Variants in HECW2 observed in about 807,000 individuals in gnomAD.
HECW2 encodes the protein HECT, C2 and WW domain containing E3 ubiquitin protein ligase 2, also known as E3 ubiquitin-protein ligase HECW2.
HECW2 carries 61 observed loss-of-function variants against 175.2 expected under a neutral mutation model. The ratio of observed to expected loss-of-function variants is 0.35; its 90% confidence interval spans 0.28 to 0.43. The LOEUF is 0.43. Ranked by LOEUF, HECW2 falls within the 20% of genes least tolerant of loss-of-function variation. The pLI is 1.00. For synonymous variants in HECW2, 671 were observed against 731.0 expected (o/e 0.92, Z 1.32); for missense variants, 1,524 against 2,000.5 (o/e 0.76, Z 4.54).
intron 2 of HECW2, among the ~76,000 whole-genome samples, chr2:196,420,176 A>C (rs541293608): frequency 6.6e-6 from 1 of 152,358 alleles, no homozygotes; most frequent in East Asian, 1.9e-4. Context: ...CGTCACCACT[A>C]AATCTGAGTT....
In HECW2 at chr2:196,240,510, C is replaced by G. The variant is rs139510372; in HGVS notation, c.3703G>C (p.Gly1235Arg). The G allele has an allele frequency of 3.7e-6, 6 of 1,611,936 alleles. No individual in the cohort carries two copies. In the Admixed American group the frequency reaches 6.7e-5, roughly 18 times the overall value. Residue 1235 changes from glycine (G) to arginine (R), a missense_variant, in exon 21 of 29, where the codon GGC (glycine) becomes CGC (arginine). By Grantham distance (125) the Gly-to-Arg change is moderately radical (BLOSUM62 -2). Around this residue, in one of 11 missense-constraint regions of HECW2, gnomAD observed 291 missense variants for 412.2 expected, o/e 0.71. Coordinates refer to ENST00000644978, the MANE Select transcript of HECW2 (RefSeq NM_001348768.2). ...LLEDAFNQIMGYSRKDLQRNK... is the reference protein window; with the variant it reads ...LLEDAFNQIMRYSRKDLQRNK... ...CTCTGCAGGTCTTTTCTGGAGTAGC[C>G]CATAATCTGATTAAAAGCATCTTCT...
chr2:196,396,776 CT>C (rs1221762262), intron 2 of HECW2, among the ~76,000 whole-genome samples: 1 of 151,592 alleles, frequency 6.6e-6, no homozygotes, highest in East Asian at 1.9e-4. Context: ...AAACTATTGT[CT>C]TGCAAAAATA....
In HECW2 at chr2:196,518,151, TTC is replaced by T. The variant is rs1175819655; in HGVS notation, c.-36+75355_-36+75356del. 4.6e-5 allele frequency among the ~76,000 whole-genome samples: 7 copies of T among 152,194 alleles called. 1 individual carries two copies. The highest frequency in any genetic ancestry group is 3.3e-4 in the Admixed American group (5 of 15,274). ...AATTGTAGGGATTTTTCCTCCTTTC[TTC>T]TGTTTTTCAAGCTTTGTGATGATGT... is the stretch of plus-strand genomic sequence containing the variant. On this transcript the variant is annotated intron_variant, in intron 1 of 28. Transcript: ENST00000644978.
At chr2:196,253,882 T>G in intron 19 of HECW2, 38 bp downstream of exon 19, 1 of 1,593,448 alleles carries the variant, frequency 6.3e-7, no homozygotes, top group Non-Finnish European at 8.6e-7. Context: ...GAAGGTTCAC[T>G]CCTCAGAGAA....
rs1413806656 is a variant in HECW2 at position 196,201,314 on chromosome 2, G to A, written c.4682C>T (p.Thr1561Ile). 1 of 1,613,648 alleles carries A rather than the reference G, an allele frequency of 6.2e-7. No homozygotes were observed. Among genetic ancestry groups the A allele is most frequent in the Non-Finnish European group, 8.5e-7 (1 of 1,179,572 alleles). Reference protein sequence around the residue: ...SFSMLYEKLLTAVEETSTFGL... With the variant: ...SFSMLYEKLLIAVEETSTFGL... Reference sequence around the variant, plus strand: ...AAAAGTACTGGTTTCTTCAACTGCTGTCAACAGTTTTTCATAAAGCATGGA... The same window carrying A: ...AAAAGTACTGGTTTCTTCAACTGCTATCAACAGTTTTTCATAAAGCATGGA... Residue 1561 changes from threonine to isoleucine, a missense_variant, in exon 29 of 29, where the codon ACA becomes ATA. Coordinates refer to ENST00000644978, the MANE Select transcript of HECW2 (RefSeq NM_001348768.2).
At chr2:196,201,661 C>A (rs1460334167) in intron 28 of HECW2, among the ~76,000 whole-genome samples, 2 of 151,928 alleles carry the variant, frequency 1.3e-5, no homozygotes, top group Non-Finnish European at 2.9e-5. Context: ...ATATAAATGA[C>A]CATTTATTGA....
In HECW2 at chr2:196,532,417, G is replaced by T. The variant is rs189086721; in HGVS notation, c.-36+61091C>A. Among the ~76,000 whole-genome samples the T allele has an allele frequency of 6.6e-5, 10 of 152,170 alleles. No homozygotes were observed. The East Asian group carries it at 1.9e-3, about 29-fold the overall frequency. On this transcript the variant is annotated intron_variant, in intron 1 of 28. Transcript: ENST00000644978. Reference sequence around the variant, plus strand: ...ACCACATATTCTCACTCATAAGTGGGAGTTGAACAAGGAGAACATACGGAC... The same window carrying T: ...ACCACATATTCTCACTCATAAGTGGTAGTTGAACAAGGAGAACATACGGAC...
rs202120290 is a variant in HECW2 at position 196,364,507 on chromosome 2, T to TA, written c.293-20744dup. Among the ~76,000 whole-genome samples the TA allele has an allele frequency of 6.6e-3, 1,001 of 152,366 alleles. 8 individuals carry two copies. Among genetic ancestry groups the TA allele is most frequent in the Middle Eastern group, 0.02 (6 of 294 alleles). ...TTGAGAAGGTATATCCAGAGTATCATAATTCACATATGCTTTCCCTTCTCC... is the reference window on the plus strand; with the variant it reads ...TTGAGAAGGTATATCCAGAGTATCATAAATTCACATATGCTTTCCCTTCTCC... On this transcript the variant is annotated intron_variant, in intron 2 of 28. Coordinates refer to ENST00000644978, the MANE Select transcript of HECW2 (RefSeq NM_001348768.2).
In HECW2 at chr2:196,380,860, C is replaced by T. The variant is rs183184052; in HGVS notation, c.293-37096G>A. Among the ~76,000 whole-genome samples, 229 of 152,312 alleles carry T rather than the reference C, an allele frequency of 1.5e-3. 1 individual carries two copies. Among genetic ancestry groups the T allele is most frequent in the African/African-American group, 5.1e-3 (210 of 41,570 alleles). ...TGTTACACAGCCAAAGCCTACTGTG[C>T]TGAGTTCAACCTGTTTCTTGAATAA... On this transcript the variant is annotated intron_variant, in intron 2 of 28. Transcript: ENST00000644978.
chr2:196,313,743 TGATAAA>T (rs1691586123), intron 10 of HECW2, among the ~76,000 whole-genome samples: 1 of 151,884 alleles, frequency 6.6e-6, no homozygotes, highest in Admixed American at 6.6e-5. Flanking sequence ...ACAATAATAA[TGATAAA>T]GAGAAAGAAA....
rs147077830 is a variant in HECW2, at chr2:196,246,053, T to C, written c.3530-3849A>G. ...TATTCCCTTATAAGAAGGTCAAACA[T>C]CACCAGTGAAACACATGGGCAGCAT... is the stretch of plus-strand genomic sequence containing the variant. On this transcript the variant is annotated intron_variant, in intron 19 of 28. Coordinates refer to ENST00000644978, the MANE Select transcript of HECW2 (RefSeq NM_001348768.2). 3.1e-4 allele frequency among the ~76,000 whole-genome samples: 47 copies of C among 152,244 alleles called. 1 individual carries two copies. In the East Asian group the frequency reaches 8.9e-3, roughly 29 times the overall value.
At chr2:196,333,804 A>T (rs1258635878) in intron 4 of HECW2, among the ~76,000 whole-genome samples, 1 of 152,230 alleles carries the variant, frequency 6.6e-6, no homozygotes, top group African/African-American at 2.4e-5. Flanking sequence ...AGTTTCCTAC[A>T]AAAGTAAATT....
intron 3 of HECW2, among the ~76,000 whole-genome samples, chr2:196,337,568 T>TA (rs761653516): frequency 0.12 from 4,264 of 36,898 alleles, 204 homozygotes; most frequent in African/African-American, 0.16. Context: ...GGGAAAAAAA[T>TA]AAAAAAATAT....
chr2:196,523,185 A>C (rs958178584), intron 1 of HECW2, among the ~76,000 whole-genome samples: 133 of 152,144 alleles, frequency 8.7e-4, no homozygotes, highest in African/African-American at 2.8e-3. Context: ...TGAAGAGGTC[A>C]TTCACATCCC....
chr2:196,342,717 C>T (rs1283412977), intron 3 of HECW2, among the ~76,000 whole-genome samples: 7 of 152,000 alleles, frequency 4.6e-5, no homozygotes, highest in Non-Finnish European at 7.4e-5. Flanking sequence ...TCTGGTAAGC[C>T]GACCTCAATG....
At chr2:196,303,779 GTTTA>G (rs1050773190) in intron 13 of HECW2, among the ~76,000 whole-genome samples, 5 of 152,100 alleles carry the variant, frequency 3.3e-5, no homozygotes, top group African/African-American at 1.2e-4. Flanking sequence ...TTCTGATTGT[GTTTA>G]TTTGAGTCTT....
intron 1 of HECW2, among the ~76,000 whole-genome samples, chr2:196,464,107 C>T (rs1004178998): frequency 4.6e-5 from 7 of 151,362 alleles, no homozygotes; most frequent in Non-Finnish European, 1.0e-4. Flanking sequence ...CCCACTTTTG[C>T]GGCCATTATC....
intron 2 of HECW2, among the ~76,000 whole-genome samples, chr2:196,373,889 G>T (rs914251593): frequency 6.6e-6 from 1 of 151,712 alleles, no homozygotes; most frequent in Admixed American, 6.6e-5. Flanking sequence ...AAAATTAGCC[G>T]GGCGTAGTGG....
intron 14 of HECW2, among the ~76,000 whole-genome samples, chr2:196,285,000 A>G (rs1181235919): frequency 6.6e-6 from 1 of 152,188 alleles, no homozygotes; most frequent in African/African-American, 2.4e-5. Flanking sequence ...CAACTCAAAA[A>G]CTGAAAGGAA....
Sources: allele counts gnomAD v4.1 joint callset (sites outside exome capture counted in the v4.1 genomes callset), GRCh38; gene constraint gnomAD v4.1.1; regional missense constraint gnomAD v4.1.1; transcripts MANE v1.5; gene names NCBI Gene and HGNC (gene_info 2026-07-23, HGNC 2026-07-21).